Variants in TRIM7 observed in about 807,000 individuals in gnomAD.
The protein encoded by TRIM7 is E3 ubiquitin-protein ligase TRIM7.
TRIM7 carries 32 observed loss-of-function variants against 37.9 expected under a neutral mutation model. That is an observed-to-expected ratio of 0.84 (90% CI 0.64 to 1.13). The LOEUF (loss-of-function observed/expected upper bound fraction) is 1.13, where lower values mean the gene tolerates loss of function less well. Ranked by LOEUF, TRIM7 falls within the 50% of genes most tolerant of loss-of-function variation. TRIM7 has a pLI of 0.00. For synonymous variants in TRIM7, 351 were observed against 321.3 expected (o/e 1.09, Z -0.99); for missense variants, 732 against 714.0 (o/e 1.03, Z -0.29).
In TRIM7 at chr5:181,205,185, C is replaced by G; in HGVS notation, c.-75G>C. 1 of 1,248,512 alleles carries G rather than the reference C, an allele frequency of 8.0e-7. No homozygotes were observed. The highest frequency in any genetic ancestry group is 1.0e-6 in the Non-Finnish European group (1 of 990,120). The allele number at this position is 1,248,512 out of a possible 1,614,324, so 77.3% of individuals were successfully genotyped here. ...CCTCACAGGACGCGGAGCTGGGCGC[C>G]GAGGGCCCACTGGGAGAGGAAGGGC... On this transcript the variant is annotated 5_prime_UTR_variant, in exon 1 of 7. Transcript: ENST00000274773.
At chr5:181,203,914 C>A in intron 1 of TRIM7, 3 of 1,188,314 alleles carry the variant, frequency 2.5e-6, no homozygotes, top group Non-Finnish European at 3.1e-6. Context: ...CTCCGCCCCC[C>A]CACCAGGAAG....
chr5:181,195,551 G>T lies in TRIM7; in HGVS notation c.1151C>A (p.Thr384Asn), dbSNP rs376608746. ...GAAGCCGCAGGACGCCAGGACGCGG[G>T]TGTTGGTGTCGAAGCGGCAGGGGTG... ...PNHPCRFDTN[T>N]RVLASCGFSS... The change falls in exon 7 of 7, where the codon ACC (threonine) becomes AAC (asparagine). Residue 384 changes from threonine to asparagine, a missense_variant. By Grantham distance (65) the Thr-to-Asn change is moderately conservative. Coordinates refer to ENST00000274773, the MANE Select transcript of TRIM7 (RefSeq NM_203293.3). 6.2e-7 allele frequency: 1 copy of T among 1,611,584 alleles called. No homozygotes were observed. Among genetic ancestry groups the T allele is most frequent in the Admixed American group, 1.7e-5 (1 of 59,928 alleles).
intron 3 of TRIM7, 150 bp from the exon 4 acceptor site, chr5:181,199,267 G>A: frequency 1.2e-6 from 1 of 809,088 alleles, no homozygotes; most frequent in South Asian, 1.5e-5. Context: ...AGGGGCAGCA[G>A]CTTCCAGTGG....
intron 6 of TRIM7, chr5:181,197,946 A>T: frequency 1.8e-6 from 1 of 563,096 alleles, no homozygotes; most frequent in South Asian, 2.2e-5. Context: ...GAGTATCTCG[A>T]GGTACAGGGC....
intron 2 of TRIM7, among the ~76,000 whole-genome samples, chr5:181,201,185 G>A (rs1470416545): frequency 1.3e-5 from 2 of 152,208 alleles, no homozygotes; most frequent in Admixed American, 6.5e-5. Context: ...CTTCTTGGTT[G>A]TAGGGGGCTG....
intron 2 of TRIM7, 103 bp from the exon 3 acceptor site, chr5:181,200,184 G>A (rs1757392246): frequency 6.3e-7 from 1 of 1,599,840 alleles, no homozygotes; most frequent in Non-Finnish European, 8.5e-7. Context: ...CCCTGTCACT[G>A]CTGGAGGATC....
rs1334623652 is a variant in TRIM7, at chr5:181,195,053, G to A, written c.*113C>T. ...TTGTGTCTGTAGCAGGCTCTCTTGG[G>A]CAGCAGGGGTCAGGAGCACGGAGGG... On this transcript the variant is annotated 3_prime_UTR_variant, in exon 7 of 7. Coordinates refer to ENST00000274773, the MANE Select transcript of TRIM7 (RefSeq NM_203293.3). 7.4e-7 allele frequency: 1 copy of A among 1,348,124 alleles called. No individual in the cohort carries two copies. Among genetic ancestry groups the A allele is most frequent in the Non-Finnish European group, 1.0e-6 (1 of 989,960 alleles). The allele number at this position is 1,348,124 out of a possible 1,614,324, so 83.5% of individuals were successfully genotyped here.
chr5:181,204,703 G>A lies in TRIM7; in HGVS notation c.408C>T (p.Pro136=). Residue 136 remains proline, a synonymous_variant, in exon 1 of 7, where the codon CCC becomes CCT. Coordinates refer to ENST00000274773, the MANE Select transcript of TRIM7 (RefSeq NM_203293.3). ...AAARCGQHGE[P]FKLYCQDDGR... is the part of the protein sequence containing the mutation. ...CGTCGTCCTGGCAGTAGAGCTTGAA[G>A]GGTTCGCCATGCTGCCCGCAGCGGG... 1 of 1,498,324 alleles carries A rather than the reference G, an allele frequency of 6.7e-7. No individual in the cohort carries two copies. Among genetic ancestry groups the A allele is most frequent in the Non-Finnish European group, 8.8e-7 (1 of 1,134,038 alleles). The allele number at this position is 1,498,324 out of a possible 1,614,324, so 92.8% of individuals were successfully genotyped here. A position where few individuals can be genotyped will look rare whatever the true frequency, so the allele number is the denominator to read the frequency against.
At position 181,204,762 on chromosome 5, in the gene TRIM7, C is replaced by T. The variant is rs528918248; in HGVS notation, c.349G>A (p.Gly117Arg). The T allele has an allele frequency of 8.3e-6, 12 of 1,445,410 alleles. No homozygotes were observed. Among genetic ancestry groups the T allele is most frequent in the South Asian group, 1.4e-5 (1 of 72,488 alleles). 89.5% of individuals were successfully genotyped at this position (1,445,410 alleles called of 1,614,324 possible). The change falls in exon 1 of 7, where the codon GGG becomes AGG. Residue 117 changes from glycine (G) to arginine (R), a missense_variant. Coordinates refer to ENST00000274773, the MANE Select transcript of TRIM7 (RefSeq NM_203293.3). ...GCCCGGGCCGCGGCCGCCTGAGACC[C>T]GTGCTCTCCCGGGGCAGCCGCGGGC... Reference protein sequence around the residue: ...SLPAAAPGEHGSQAAAARAAA... With the variant: ...SLPAAAPGEHRSQAAAARAAA...
At chr5:181,200,442 T>C in intron 2 of TRIM7, 3 of 1,233,878 alleles carry the variant, frequency 2.4e-6, no homozygotes, top group Non-Finnish European at 3.0e-6. Context: ...ACCATAGGAT[T>C]AAACTGAGAT....
intron 3 of TRIM7, chr5:181,199,550 G>T (rs406239): frequency 0.15 from 73,073 of 481,012 alleles, 6,229 homozygotes; most frequent in South Asian, 0.18. Flanking sequence ...TTTTTTTAGC[G>T]AAATAGAATA....
At chr5:181,198,242 G>T (rs752396687) in intron 5 of TRIM7, 24 bp from the exon 6 acceptor site, 1 of 1,613,632 alleles carries the variant, frequency 6.2e-7, no homozygotes, top group South Asian at 1.1e-5. Flanking sequence ...ACAAAGCAAG[G>T]CGTGCATGAG....
rs552988435 is a variant in TRIM7 at position 181,195,264 on chromosome 5, T to G, written c.1438A>C (p.Met480Leu). Residue 480 changes from methionine to leucine, a missense_variant, in exon 7 of 7, where the codon ATG becomes CTG. By Grantham distance (15) the Met-to-Leu change is conservative (BLOSUM62 2). Transcript: ENST00000274773. ...ACGCGGAAGGTGTAGAGGTGGCGCATGTCCTCCACAGCGTAGAAGGACACG... is the reference window on the plus strand; with the variant it reads ...ACGCGGAAGGTGTAGAGGTGGCGCAGGTCCTCCACAGCGTAGAAGGACACG... ...GAVSFYAVED[M>L]RHLYTFRVNF... 6.2e-7 allele frequency: 1 copy of G among 1,611,378 alleles called. No homozygotes were observed. Among genetic ancestry groups the G allele is most frequent in the Non-Finnish European group, 8.5e-7 (1 of 1,179,010 alleles).
chr5:181,202,211 C>T (rs1437323046), intron 2 of TRIM7: 1 of 146,626 alleles, frequency 6.8e-6, no homozygotes, highest in African/African-American at 2.6e-5. Flanking sequence ...TGGAGTTTCA[C>T]TCTCGTTGCC....
intron 1 of TRIM7, 64 bp from the exon 2 acceptor site, chr5:181,203,704 C>T (rs937965699): frequency 1.0e-5 from 16 of 1,541,248 alleles, no homozygotes; most frequent in Admixed American, 2.2e-5. Flanking sequence ...CCACCTCTGC[C>T]TTCCTGGAGC....
chr5:181,199,634 C>G, intron 3 of TRIM7: 1 of 692,550 alleles, frequency 1.4e-6, no homozygotes, highest in Non-Finnish European at 2.3e-6. Context: ...GCTTGTGATT[C>G]TGAAATACGA....
intron 1 of TRIM7, 121 bp from the exon 2 acceptor site, chr5:181,203,761 T>G: frequency 6.8e-7 from 1 of 1,477,370 alleles, no homozygotes; most frequent in Non-Finnish European, 8.9e-7. Flanking sequence ...GGAGGCCGGG[T>G]AGAAGTCATC....
At chr5:181,199,023 G>A in intron 4 of TRIM7, 72 bp downstream of exon 4, 3 of 1,586,922 alleles carry the variant, frequency 1.9e-6, no homozygotes, top group Non-Finnish European at 2.6e-6. Flanking sequence ...AGGGGACAGG[G>A]AATAAAGACA....
Position 181,194,898 on chromosome 5 carries a change from AC to A in TRIM7, c.*267del, listed in dbSNP as rs1756998449. 2.4e-5 allele frequency: 10 copies of A among 418,986 alleles called. No homozygotes were observed. In the South Asian group the frequency reaches 4.9e-4, roughly 21 times the overall value. The allele number at this position is 418,986 out of a possible 1,614,324, so 26.0% of individuals were successfully genotyped here. ...AGCCCCCTGGAGAGCTGGGCTCCTG[AC>A]CTCACCGGCCTCCACCTCCTGAAGG... On this transcript the variant is annotated 3_prime_UTR_variant, in exon 7 of 7. Transcript: ENST00000274773.
Sources: allele counts gnomAD v4.1 joint callset (sites outside exome capture counted in the v4.1 genomes callset), GRCh38; gene constraint gnomAD v4.1.1; transcripts MANE v1.5; gene names NCBI Gene and HGNC (gene_info 2026-07-23, HGNC 2026-07-21).